Variants in ROBO1 observed in about 807,000 individuals in gnomAD.
The protein encoded by ROBO1 is roundabout homolog 1.
In ROBO1, 149 loss-of-function variants were observed where a neutral mutation model predicts 195.9. The observed-to-expected ratio is 0.76, with a 90% CI of 0.67 to 0.87. ROBO1 has a LOEUF of 0.87. ROBO1 is among the 40% of genes least tolerant of loss of function. The pLI, the probability that ROBO1 is intolerant of heterozygous loss-of-function variation, is 0.00. For synonymous variants in ROBO1, 816 were observed against 733.2 expected (o/e 1.11, Z -1.82); for missense variants, 1,933 against 2,068.3 (o/e 0.93, Z 1.27).
chr3:78,722,279 C>A (rs2108116821), intron 5 of ROBO1, among the ~76,000 whole-genome samples: 1 of 152,120 alleles, frequency 6.6e-6, no homozygotes, highest in East Asian at 1.9e-4. Flanking sequence ...GAAAGTAACC[C>A]ACCAGGCATT....
intron 22 of ROBO1, among the ~76,000 whole-genome samples, chr3:78,638,324 TAC>T (rs1158419916): frequency 1.3e-5 from 2 of 150,872 alleles, no homozygotes; most frequent in East Asian, 2.0e-4. Context: ...TGTATATATA[TAC>T]ACACACACTT....
chr3:79,471,777 C>T (rs1429903472), intron 2 of ROBO1, among the ~76,000 whole-genome samples: 1 of 152,060 alleles, frequency 6.6e-6, no homozygotes, highest in East Asian at 1.9e-4. Flanking sequence ...GAGTTCATGT[C>T]CTTTGCAGGG....
intron 3 of ROBO1, among the ~76,000 whole-genome samples, chr3:78,973,670 G>A (rs911496456): frequency 1.5e-4 from 22 of 149,368 alleles, no homozygotes; most frequent in Admixed American, 5.4e-4. Flanking sequence ...ATACTTCCAA[G>A]CATACAAGGC....
intron 1 of ROBO1, among the ~76,000 whole-genome samples, chr3:79,754,786 C>T (rs1479118895): frequency 1.3e-5 from 2 of 152,182 alleles, no homozygotes; most frequent in South Asian, 2.1e-4. Context: ...TTAGCTAAGA[C>T]GATGGCTCTG....
At chr3:79,620,484 C>T (rs774280578) in intron 1 of ROBO1, among the ~76,000 whole-genome samples, 1 of 151,998 alleles carries the variant, frequency 6.6e-6, no homozygotes, top group Admixed American at 6.6e-5. Context: ...TTCTAAACCT[C>T]TTAAAACTCC....
intron 3 of ROBO1, among the ~76,000 whole-genome samples, chr3:78,982,886 T>C (rs150218523): frequency 2.7e-3 from 412 of 152,252 alleles, no homozygotes; most frequent in African/African-American, 9.5e-3. Flanking sequence ...CCCAAAGTGT[T>C]GGGATTACAG....
intron 2 of ROBO1, among the ~76,000 whole-genome samples, chr3:79,210,145 G>A (rs1357663364): frequency 1.3e-5 from 2 of 152,044 alleles, no homozygotes; most frequent in Non-Finnish European, 1.5e-5. Context: ...TACCATCATC[G>A]TTCTTCACAG....
intron 4 of ROBO1, among the ~76,000 whole-genome samples, chr3:78,772,185 A>C (rs756160814): frequency 7.2e-6 from 1 of 138,374 alleles, no homozygotes; most frequent in Non-Finnish European, 1.6e-5. Context: ...TACCTACTAT[A>C]GTCTACCTTT....
At chr3:79,319,470 C>G (rs2033882119) in intron 2 of ROBO1, among the ~76,000 whole-genome samples, 1 of 152,118 alleles carries the variant, frequency 6.6e-6, no homozygotes, top group Non-Finnish European at 1.5e-5. Flanking sequence ...GGTGTAATAG[C>G]AGGTTCCCTG....
intron 3 of ROBO1, among the ~76,000 whole-genome samples, chr3:79,050,187 G>A (rs1036066261): frequency 3.9e-5 from 6 of 152,190 alleles, no homozygotes; most frequent in Non-Finnish European, 5.9e-5. Flanking sequence ...TCAAAATAAA[G>A]GGATGGAGGA....
At chr3:78,829,292 C>T (rs187491229) in intron 4 of ROBO1, among the ~76,000 whole-genome samples, 127 of 152,188 alleles carry the variant, frequency 8.3e-4, no homozygotes, top group Non-Finnish European at 1.4e-3. Context: ...GGAAGAATTA[C>T]AGTTATTATA....
At chr3:79,008,319 A>C (rs554808096) in intron 3 of ROBO1, among the ~76,000 whole-genome samples, 1 of 152,290 alleles carries the variant, frequency 6.6e-6, no homozygotes, top group South Asian at 2.1e-4. Context: ...ACATTCCTTA[A>C]AGTGTCTAAC....
intron 2 of ROBO1, among the ~76,000 whole-genome samples, chr3:79,226,137 C>A (rs2082223337): frequency 6.6e-6 from 1 of 152,104 alleles, no homozygotes; most frequent in Admixed American, 6.6e-5. Flanking sequence ...TGCACTTTTT[C>A]GTAGTGGGCA....
intron 3 of ROBO1, among the ~76,000 whole-genome samples, chr3:79,102,377 T>C (rs2079694030): frequency 6.6e-6 from 1 of 151,692 alleles, no homozygotes; most frequent in African/African-American, 2.4e-5. Flanking sequence ...GGCCAAACCA[T>C]CAGCAAGAAG....
At chr3:79,107,127 T>TCTCTCTCACA (rs1370578718) in intron 3 of ROBO1, among the ~76,000 whole-genome samples, 73 of 136,452 alleles carry the variant, frequency 5.3e-4, no homozygotes, top group African/African-American at 1.9e-3. Context: ...TCTCTCTCTC[T>TCTCTCTCACA]CACACACACA....
At chr3:79,059,516 G>A (rs374999130) in intron 3 of ROBO1, among the ~76,000 whole-genome samples, 4 of 152,182 alleles carry the variant, frequency 2.6e-5, no homozygotes, top group Middle Eastern at 3.4e-3. Flanking sequence ...AGAGAGCGAT[G>A]TTGTGGGAAG....
chr3:79,223,834 G>A (rs2082182480), intron 2 of ROBO1, among the ~76,000 whole-genome samples: 1 of 152,150 alleles, frequency 6.6e-6, no homozygotes, highest in South Asian at 2.1e-4. Context: ...GTCTTACGTA[G>A]ATGACTCTAA....
chr3:78,631,133 T>C, intron 25 of ROBO1, 28 bp downstream of exon 25: 1 of 1,597,558 alleles, frequency 6.3e-7, no homozygotes, highest in East Asian at 2.3e-5. Flanking sequence ...TATTACACTG[T>C]TTACATCTGT....
chr3:78,831,218 C>T (rs2032167017), intron 4 of ROBO1, among the ~76,000 whole-genome samples: 1 of 151,910 alleles, frequency 6.6e-6, no homozygotes, highest in Admixed American at 6.6e-5. Context: ...GCCGGTAACC[C>T]TGGGTTTTAA....
Sources: gnomAD v4.1 joint callset for allele counts (sites outside exome capture counted in the v4.1 genomes callset) on GRCh38, gnomAD v4.1.1 for gene constraint, MANE v1.5 for transcripts, NCBI Gene and HGNC (gene_info 2026-07-23, HGNC 2026-07-21) for gene names.